ALCAM: variants seen among roughly 807,000 people sequenced by gnomAD.
ALCAM encodes CD166 antigen.
Under a neutral mutation model 70.9 loss-of-function variants are expected in ALCAM, and 30 were observed. The observed-to-expected ratio is 0.42, with a 90% CI of 0.32 to 0.57. The LOEUF is 0.57. Among genes scored for constraint, ALCAM ranks in the 20% least tolerant of loss-of-function variants. The pLI, the probability that ALCAM is intolerant of heterozygous loss-of-function variation, is 0.11. For missense variants in ALCAM, 591 were observed against 695.1 expected (o/e 0.85, Z 1.68); for synonymous variants, 249 against 242.5 (o/e 1.03, Z -0.25).
In ALCAM at chr3:105,547,256, AAG is replaced by A. The variant is rs1189829981; in HGVS notation, c.1217_1218del (p.Glu406ValfsTer19). ...ALQEVEGLKKRESLTLIVEGK... is the reference protein window; with the variant it reads ...ALQEVEGLKKXESLTLIVEGK... Reference sequence around the variant, plus strand: ...TGCAGGAGGTTGAAGGACTAAAGAAAAGAGAGTCATTGACTCTCATTGTAGAA... The same window carrying A: ...TGCAGGAGGTTGAAGGACTAAAGAAAAGAGTCATTGACTCTCATTGTAGAA... On this transcript the variant is annotated frameshift_variant, in exon 10 of 16. Transcript: ENST00000306107. LOFTEE classifies it high-confidence loss of function. 2 of 1,602,506 alleles carry A rather than the reference AAG, an allele frequency of 1.2e-6. No individual in the cohort carries two copies. Among genetic ancestry groups the A allele is most frequent in the Non-Finnish European group, 8.5e-7 (1 of 1,175,132 alleles).
intron 1 of ALCAM, among the ~76,000 whole-genome samples, chr3:105,446,244 C>T (rs1477735101): frequency 6.6e-6 from 1 of 152,004 alleles, no homozygotes; most frequent in Non-Finnish European, 1.5e-5. Context: ...CACTAATAAT[C>T]AGGGAAAAGC....
chr3:105,412,582 C>A (rs1424769934), intron 1 of ALCAM, among the ~76,000 whole-genome samples: 1 of 152,010 alleles, frequency 6.6e-6, no homozygotes, highest in Non-Finnish European at 1.5e-5. Context: ...AATTCAGAAT[C>A]GGAATGTTGA....
intron 1 of ALCAM, among the ~76,000 whole-genome samples, chr3:105,477,410 T>C (rs1938150631): frequency 6.6e-6 from 1 of 152,130 alleles, no homozygotes; most frequent in African/African-American, 2.4e-5. Context: ...TCTAGCTGGA[T>C]TGATATTTTT....
chr3:105,539,781 G>A (rs1429264010), intron 6 of ALCAM, among the ~76,000 whole-genome samples, 194 bp from the exon 7 acceptor site: 1 of 152,046 alleles, frequency 6.6e-6, no homozygotes, highest in Non-Finnish European at 1.5e-5. Context: ...GGGTTTCTTT[G>A]TAGTTGGCCC....
chr3:105,552,278 T>C, intron 13 of ALCAM, 96 bp downstream of exon 13: 2 of 1,366,212 alleles, frequency 1.5e-6, no homozygotes, highest in Non-Finnish European at 2.0e-6. Flanking sequence ...TCCACAATTT[T>C]GACTTGAATT....
intron 14 of ALCAM, among the ~76,000 whole-genome samples, chr3:105,559,300 T>TTA (rs895509528): frequency 1.6e-4 from 20 of 124,468 alleles, no homozygotes; most frequent in Non-Finnish European, 3.1e-4. Context: ...TATACATATA[T>TTA]TATATATATA....
chr3:105,548,236 T>C (rs557115698), intron 11 of ALCAM, among the ~76,000 whole-genome samples: 36 of 151,574 alleles, frequency 2.4e-4, no homozygotes, highest in South Asian at 1.0e-3. Flanking sequence ...AATGAGAATC[T>C]GGCCTACCAC....
At chr3:105,534,216 G>C (rs992240173) in intron 5 of ALCAM, among the ~76,000 whole-genome samples, 1 of 152,108 alleles carries the variant, frequency 6.6e-6, no homozygotes, top group Non-Finnish European at 1.5e-5. Flanking sequence ...GTTGCCCACC[G>C]CTCACCTCCT....
intron 1 of ALCAM, among the ~76,000 whole-genome samples, chr3:105,383,870 A>C (rs1027472890): frequency 6.6e-6 from 1 of 151,768 alleles, no homozygotes; most frequent in South Asian, 2.1e-4. Context: ...TACATTCAAA[A>C]TAGAAGTAAA....
At chr3:105,421,857 A>G (rs527822896) in intron 1 of ALCAM, among the ~76,000 whole-genome samples, 101 of 151,330 alleles carry the variant, frequency 6.7e-4, no homozygotes, top group Admixed American at 5.9e-4. Context: ...TTTAACTTCA[A>G]TATCTTTTGG....
At chr3:105,544,627 A>G (rs1940199920) in intron 8 of ALCAM, 1 of 156,308 alleles carries the variant, frequency 6.4e-6, no homozygotes, top group Non-Finnish European at 1.4e-5. Context: ...TGTACAATAA[A>G]TACTTGTTCA....
intron 1 of ALCAM, among the ~76,000 whole-genome samples, chr3:105,481,419 T>C (rs564693815): frequency 1.3e-5 from 2 of 152,184 alleles, no homozygotes; most frequent in Non-Finnish European, 2.9e-5. Flanking sequence ...TTTTCACTGA[T>C]GGAATTGATG....
chr3:105,534,865 A>G lies in ALCAM; in HGVS notation c.730+20A>G. ...TTTACTGTAAGTAATTCAATATATA[A>G]TTATGCTATTTAATGTATTAGAAAT... On this transcript the variant is annotated intron_variant, in intron 6 of 15. Coordinates refer to ENST00000306107, the MANE Select transcript of ALCAM (RefSeq NM_001627.4). 6.3e-7 allele frequency: 1 copy of G among 1,575,340 alleles called. No individual in the cohort carries two copies. The highest frequency in any genetic ancestry group is 8.7e-7 in the Non-Finnish European group (1 of 1,154,840).
chr3:105,566,888 T>G (rs889715222), intron 14 of ALCAM, among the ~76,000 whole-genome samples: 1 of 152,202 alleles, frequency 6.6e-6, no homozygotes, highest in Non-Finnish European at 1.5e-5. Flanking sequence ...AATTCCCATC[T>G]GGTGTTACTT....
intron 1 of ALCAM, among the ~76,000 whole-genome samples, chr3:105,477,533 T>A (rs1938153624): frequency 6.6e-6 from 1 of 152,136 alleles, no homozygotes; most frequent in Non-Finnish European, 1.5e-5. Context: ...ATTTTCTGTC[T>A]TTGTTTTTTA....
intron 1 of ALCAM, among the ~76,000 whole-genome samples, chr3:105,425,447 T>G (rs1936765766): frequency 6.6e-6 from 1 of 151,798 alleles, no homozygotes; most frequent in Admixed American, 6.6e-5. Context: ...TTTTTGCCTT[T>G]GCTACACACT....
chr3:105,458,690 A>T lies in ALCAM; in HGVS notation c.74-61377A>T, dbSNP rs1419980985. 2.0e-5 allele frequency among the ~76,000 whole-genome samples: 3 copies of T among 152,302 alleles called. No individual in the cohort carries two copies. The East Asian group carries it at 5.8e-4, about 29-fold the overall frequency. ...CTGAATACATTCTGATGAGTATGAG[A>T]TGGTTAAGGTGGATATTAAACCTGC... On this transcript the variant is annotated intron_variant, in intron 1 of 15. Coordinates refer to ENST00000306107, the MANE Select transcript of ALCAM (RefSeq NM_001627.4).
At position 105,500,541 on chromosome 3, in the gene ALCAM, G is replaced by GCA. The variant is rs143501097; in HGVS notation, c.74-19524_74-19523dup. On this transcript the variant is annotated intron_variant, in intron 1 of 15. Coordinates refer to ENST00000306107, the MANE Select transcript of ALCAM (RefSeq NM_001627.4). Reference sequence around the variant, plus strand: ...ATACTCCATTGCATGTTATAGTAATGCACTTGAAATATATTATCTCCATTT... The same window carrying GCA: ...ATACTCCATTGCATGTTATAGTAATGCACACTTGAAATATATTATCTCCATTT... 5.7e-3 allele frequency among the ~76,000 whole-genome samples: 868 copies of GCA among 152,154 alleles called. 7 individuals are homozygous for GCA. Among genetic ancestry groups the GCA allele is most frequent in the African/African-American group, 0.02 (838 of 41,506 alleles).
intron 3 of ALCAM, among the ~76,000 whole-genome samples, chr3:105,526,217 A>G (rs1482466363): frequency 6.6e-6 from 1 of 152,064 alleles, no homozygotes; most frequent in Non-Finnish European, 1.5e-5. Flanking sequence ...GGTAATATAC[A>G]AGGGAGTTGA....
Sources: gnomAD v4.1 joint callset for allele counts (sites outside exome capture counted in the v4.1 genomes callset) on GRCh38, gnomAD v4.1.1 for gene constraint, MANE v1.5 for transcripts, NCBI Gene and HGNC (gene_info 2026-07-23, HGNC 2026-07-21) for gene names.